ERI3: variants seen among roughly 807,000 people sequenced by gnomAD.
ERI3 encodes ERI1 exoribonuclease 3.
Under a neutral mutation model 44.4 loss-of-function variants are expected in ERI3, and 18 were observed. The observed-to-expected ratio is 0.41, with a 90% confidence interval of 0.28 to 0.60. The LOEUF (loss-of-function observed/expected upper bound fraction) is 0.60. ERI3 is among the 20% of genes least tolerant of loss of function. The probability of loss-of-function intolerance (pLI) is 0.36; values close to 1 mark genes in which losing one functional copy is unlikely to be tolerated. For missense variants in ERI3, 294 were observed against 435.5 expected (o/e 0.68, Z 2.89); for synonymous variants, 183 against 164.8 (o/e 1.11, Z -0.84).
intron 7 of ERI3, among the ~76,000 whole-genome samples, chr1:44,269,381 A>G (rs1645047986): frequency 6.6e-6 from 1 of 152,172 alleles, no homozygotes; most frequent in African/African-American, 2.4e-5. Context: ...CTGCCCTCCA[A>G]GGACAAGGGC....
chr1:44,298,950 A>C (rs1160484135), intron 6 of ERI3, among the ~76,000 whole-genome samples: 1 of 152,190 alleles, frequency 6.6e-6, no homozygotes, highest in Admixed American at 6.5e-5. Flanking sequence ...TTTATACGAA[A>C]GCCAACAATA....
intron 8 of ERI3, among the ~76,000 whole-genome samples, chr1:44,223,816 C>T (rs1360837367): frequency 2.6e-5 from 4 of 152,150 alleles, no homozygotes; most frequent in Non-Finnish European, 5.9e-5. Context: ...GACCTCTCCC[C>T]ACTCTACACA....
chr1:44,298,854 G>C (rs1645665400), intron 6 of ERI3, among the ~76,000 whole-genome samples: 1 of 152,258 alleles, frequency 6.6e-6, no homozygotes, highest in Non-Finnish European at 1.5e-5. Context: ...CGGAGGTAGA[G>C]GTTGCAGTGA....
intron 7 of ERI3, among the ~76,000 whole-genome samples, chr1:44,281,599 A>ATATATATATAT (rs1197627804): frequency 8.0e-6 from 1 of 124,344 alleles, no homozygotes; most frequent in Non-Finnish European, 1.6e-5. Context: ...AAAAAAAAAA[A>ATATATATATAT]AAATATATAT....
At chr1:44,342,806 C>A (rs1646681296) in intron 2 of ERI3, among the ~76,000 whole-genome samples, 1 of 76,418 alleles carries the variant, frequency 1.3e-5, no homozygotes, top group Non-Finnish European at 2.5e-5. Context: ...GCCACCACAT[C>A]CAGCTAATAT....
Position 44,349,488 on chromosome 1 carries a change from T to C in ERI3, c.211+3362A>G, listed in dbSNP as rs147435441. The stretch of plus-strand genomic sequence containing the variant: ...TTCTGGGATTCTAAATGAACACCCA[T>C]TGTCTGAAAATTTTCCATTATGAAA... On this transcript the variant is annotated intron_variant, in intron 2 of 8. Coordinates refer to ENST00000372257, the MANE Select transcript of ERI3 (RefSeq NM_024066.3). 6.5e-4 allele frequency among the ~76,000 whole-genome samples: 99 copies of C among 152,230 alleles called. 1 individual carries two copies. The East Asian group carries it at 0.017, about 26-fold the overall frequency.
chr1:44,233,017 T>C (rs556370339), intron 8 of ERI3, among the ~76,000 whole-genome samples: 23 of 152,294 alleles, frequency 1.5e-4, no homozygotes, highest in African/African-American at 5.3e-4. Context: ...TCCCTTTTCC[T>C]TGTCACCCTT....
At chr1:44,283,488 T>TA (rs1645330436) in intron 7 of ERI3, among the ~76,000 whole-genome samples, 1 of 152,166 alleles carries the variant, frequency 6.6e-6, no homozygotes, top group Admixed American at 6.5e-5. Flanking sequence ...GGGCAGGGAA[T>TA]ATGTCTGATG....
At chr1:44,259,519 T>C (rs1234978247) in intron 7 of ERI3, among the ~76,000 whole-genome samples, 3 of 152,128 alleles carry the variant, frequency 2.0e-5, no homozygotes, top group East Asian at 3.9e-4. Context: ...TACCACGCTA[T>C]GTGATCTTGG....
intron 5 of ERI3, among the ~76,000 whole-genome samples, chr1:44,310,961 GCGCACACACACACACACACACACA>G (rs1233718528): frequency 2.4e-5 from 2 of 84,668 alleles, no homozygotes; most frequent in African/African-American, 9.4e-5. Context: ...TCGCGCGCGC[GCGCACACACACACACACACACACA>G]CACACACACA....
chr1:44,334,592 GAA>G (rs1646496625), intron 3 of ERI3, among the ~76,000 whole-genome samples: 1 of 152,136 alleles, frequency 6.6e-6, no homozygotes, highest in Non-Finnish European at 1.5e-5. Context: ...GTTTTCAAAT[GAA>G]AAAGTCTCCT....
At chr1:44,249,431 G>A (rs1644628378) in intron 7 of ERI3, among the ~76,000 whole-genome samples, 1 of 152,184 alleles carries the variant, frequency 6.6e-6, no homozygotes, top group Non-Finnish European at 1.5e-5. Context: ...GCTGCACACA[G>A]TGTCTGTGCC....
At position 44,221,284 on chromosome 1, in the gene ERI3, C is replaced by A. The variant is rs11557484; in HGVS notation, c.*274G>T. 1.0e-3 allele frequency: 481 copies of A among 470,154 alleles called. 4 individuals are homozygous for A. The highest frequency in any genetic ancestry group is 8.7e-3 in the African/African-American group (441 of 50,458). 29.1% of individuals were successfully genotyped at this position (470,154 alleles called of 1,614,324 possible). On this transcript the variant is annotated 3_prime_UTR_variant, in exon 9 of 9. Transcript: ENST00000372257. The surrounding 1 kb of genome is among the most constrained non-coding windows in gnomAD (Gnocchi z 5.9). ...GGGAGGAGGCGGTGAGTGCCTGGGTCCCCCTAGCCCAGGCCCGCAATGGGA... is the reference window on the plus strand; with the variant it reads ...GGGAGGAGGCGGTGAGTGCCTGGGTACCCCTAGCCCAGGCCCGCAATGGGA...
intron 8 of ERI3, among the ~76,000 whole-genome samples, chr1:44,229,570 C>T (rs540367053): frequency 2.0e-4 from 30 of 152,150 alleles, no homozygotes; most frequent in Admixed American, 2.6e-4. Context: ...ATAGAATTTC[C>T]ACACAGGGTG....
In ERI3 at chr1:44,318,214, C is replaced by T. The variant is rs1032961439; in HGVS notation, c.606+1414G>A. Among the ~76,000 whole-genome samples, 5 of 152,212 alleles carry T rather than the reference C, an allele frequency of 3.3e-5. 1 individual carries two copies. The East Asian group carries it at 7.7e-4, about 23-fold the overall frequency. On this transcript the variant is annotated intron_variant, in intron 4 of 8. Transcript: ENST00000372257. Reference sequence around the variant, plus strand: ...CCCAGGGTCCAGCTCCAGCAGAATACTGTTACATTCCTAAACAGGTAGCAA... The same window carrying T: ...CCCAGGGTCCAGCTCCAGCAGAATATTGTTACATTCCTAAACAGGTAGCAA...
At chr1:44,283,954 C>T (rs1033269009) in intron 7 of ERI3, 5 of 468,550 alleles carry the variant, frequency 1.1e-5, no homozygotes, top group African/African-American at 2.0e-5. Flanking sequence ...CCCTTGACCT[C>T]TCTCTTCTCT....
chr1:44,240,913 G>T (rs1382511406), intron 8 of ERI3, among the ~76,000 whole-genome samples: 1 of 152,236 alleles, frequency 6.6e-6, no homozygotes, highest in Non-Finnish European at 1.5e-5. Context: ...CAAAGCATAG[G>T]GAGGGATGTC....
chr1:44,342,165 T>C (rs184732894), intron 2 of ERI3, among the ~76,000 whole-genome samples: 18 of 152,182 alleles, frequency 1.2e-4, no homozygotes, highest in African/African-American at 4.3e-4. Context: ...TGGGGGACAC[T>C]GTCAGAGCCC....
intron 7 of ERI3, among the ~76,000 whole-genome samples, chr1:44,264,077 G>C (rs1411805301): frequency 6.6e-6 from 1 of 152,198 alleles, no homozygotes; most frequent in Admixed American, 6.5e-5. Flanking sequence ...CAGTAGCACA[G>C]AGCAGGAAAG....
Sources: gnomAD v4.1 joint callset for allele counts (sites outside exome capture counted in the v4.1 genomes callset) on GRCh38, gnomAD v4.1.1 for gene constraint, Gnocchi (gnomAD v3.1) non-coding constraint, MANE v1.5 for transcripts, NCBI Gene and HGNC (gene_info 2026-07-23, HGNC 2026-07-21) for gene names.